The following DRG2 variants were observed in gnomAD, a reference collection of about 807,000 sequenced individuals.
DRG2 encodes the protein developmentally-regulated GTP-binding protein 2.
A neutral mutation model predicts 53.4 loss-of-function variants in DRG2; 36 were observed. The observed-to-expected ratio is 0.67, with a 90% CI of 0.52 to 0.89. The LOEUF (loss-of-function observed/expected upper bound fraction) is 0.89. DRG2 is among the 40% of genes least tolerant of loss of function. DRG2 has a pLI of 0.00. For synonymous variants in DRG2, 167 were observed against 192.1 expected, an observed-to-expected ratio of 0.87 and a Z score of 1.08; for missense variants, 342 against 481.2, an observed-to-expected ratio of 0.71 and a Z score of 2.71.
chr17:18,091,742 C>T (rs960238385), intron 1 of DRG2, among the ~76,000 whole-genome samples: 2 of 152,068 alleles, frequency 1.3e-5, no homozygotes, highest in Non-Finnish European at 2.9e-5. Flanking sequence ...CCTGTAGTCC[C>T]AGCTACTTGG....
chr17:18,088,417 G>C (rs1045787445), intron 1 of DRG2, among the ~76,000 whole-genome samples: 5 of 152,224 alleles, frequency 3.3e-5, no homozygotes, highest in African/African-American at 1.2e-4. Context: ...GGCTGGGCCT[G>C]GGGCCTGGGT....
Position 18,107,376 on chromosome 17 carries a change from C to T in DRG2, c.*136C>T, listed in dbSNP as rs2045661901. The T allele has an allele frequency of 4.6e-6, 4 of 872,350 alleles. No homozygotes were observed. The highest frequency in any genetic ancestry group is 1.6e-5 in the South Asian group (1 of 63,278). The allele number at this position is 872,350 out of a possible 1,614,324, so 54.0% of individuals were successfully genotyped here. The stretch of plus-strand genomic sequence containing the variant: ...GGGTCCCTCAAGTCTCTGCTATTTA[C>T]AGAAGTTTCTTCAGTAGGCAGACGA... On this transcript the variant is annotated 3_prime_UTR_variant, in exon 13 of 13. Coordinates refer to ENST00000225729, the MANE Select transcript of DRG2 (RefSeq NM_001388.5).
chr17:18,090,096 A>G (rs1190155102), intron 1 of DRG2, among the ~76,000 whole-genome samples: 1 of 151,020 alleles, frequency 6.6e-6, no homozygotes, highest in Non-Finnish European at 1.5e-5. Context: ...TATAAAGGTG[A>G]TTAAGACCTA....
At chr17:18,090,402 A>ATTT (rs2045309739) in intron 1 of DRG2, among the ~76,000 whole-genome samples, 1 of 9,328 alleles carries the variant, frequency 1.1e-4, no homozygotes, top group Non-Finnish European at 1.5e-4. Context: ...ATATATATAT[A>ATTT]TATATTTTTT....
intron 8 of DRG2, 71 bp from the exon 9 acceptor site, chr17:18,101,850 G>A: frequency 1.3e-6 from 2 of 1,503,278 alleles, no homozygotes; most frequent in Non-Finnish European, 1.8e-6. Flanking sequence ...GCCGGCACAG[G>A]GCGATGGAGG....
rs1178162087 is a variant in DRG2, at chr17:18,106,426, C to A, written c.955-7C>A. ...ACCTCTCTACCTGACTCTCTCCTGTCCTCCAGTGCCACCGCATCCACCGGT... is the reference window on the plus strand; with the variant it reads ...ACCTCTCTACCTGACTCTCTCCTGTACTCCAGTGCCACCGCATCCACCGGT... On this transcript the variant is annotated splice_region_variant and splice_polypyrimidine_tract_variant and intron_variant, in intron 11 of 12. Transcript: ENST00000225729. 1 of 1,614,054 alleles carries A rather than the reference C, an allele frequency of 6.2e-7. No homozygotes were observed. Among genetic ancestry groups the A allele is most frequent in the Non-Finnish European group, 8.5e-7 (1 of 1,179,948 alleles).
At chr17:18,090,652 G>A (rs936851370) in intron 1 of DRG2, among the ~76,000 whole-genome samples, 1 of 151,434 alleles carries the variant, frequency 6.6e-6, no homozygotes, top group African/African-American at 2.4e-5. Context: ...CGCCCACCTC[G>A]GCTTCCCAAA....
In DRG2 at chr17:18,087,961, C is replaced by T; in HGVS notation, c.-63C>T. ...CGGGCGCACGCTACTCTGTCGCCGCCGTCAGACCGGAATTGCCGGTGCCGC... is the reference window on the plus strand; with the variant it reads ...CGGGCGCACGCTACTCTGTCGCCGCTGTCAGACCGGAATTGCCGGTGCCGC... On this transcript the variant is annotated 5_prime_UTR_variant, in exon 1 of 13. Transcript: ENST00000225729. 3.3e-6 allele frequency: 5 copies of T among 1,527,262 alleles called. No homozygotes were observed. The highest frequency in any genetic ancestry group is 1.2e-5 in the South Asian group (1 of 82,752). 94.6% of individuals were successfully genotyped at this position (1,527,262 alleles called of 1,614,324 possible). A position where few individuals can be genotyped will look rare whatever the true frequency, so the allele number is the denominator to read the frequency against.
rs370205070 is a variant in DRG2, at chr17:18,101,536, G to A, written c.675G>A (p.Pro225=). The A allele has an allele frequency of 2.5e-5, 41 of 1,614,042 alleles. 1 individual carries two copies. Among genetic ancestry groups the A allele is most frequent in the African/African-American group, 1.3e-4 (10 of 74,918 alleles). The change falls in exon 8 of 13, where the codon CCG becomes CCA. Residue 225 remains proline (P), a synonymous_variant. Coordinates refer to ENST00000225729, the MANE Select transcript of DRG2 (RefSeq NM_001388.5). ...TGCTTTTCCGAGAAGACTGCTCCCCGGACGAGTTCATCGATGTGATCGTGG... is the reference window on the plus strand; with the variant it reads ...TGCTTTTCCGAGAAGACTGCTCCCCAGACGAGTTCATCGATGTGATCGTGG... ...AEVLFREDCS[P]DEFIDVIVGN...
rs973686504 is a variant in DRG2 at position 18,103,694 on chromosome 17, G to A, written c.807-107G>A. 3.0e-6 allele frequency: 3 copies of A among 1,011,676 alleles called. No individual in the cohort carries two copies. The highest frequency in any genetic ancestry group is 1.8e-5 in the Admixed American group (1 of 55,524). The allele number at this position is 1,011,676 out of a possible 1,614,324, so 62.7% of individuals were successfully genotyped here. A position where few individuals can be genotyped will look rare whatever the true frequency, so the allele number is the denominator to read the frequency against. On this transcript the variant is annotated intron_variant, in intron 9 of 12. Coordinates refer to ENST00000225729, the MANE Select transcript of DRG2 (RefSeq NM_001388.5). The surrounding 1 kb of genome is among the most constrained non-coding windows in gnomAD (Gnocchi z 4.4). ...GGCTTGTTTCCCTGTGGGTACCAGCGGGCCACCTGGCCAGTGGAGGTTATC... is the reference window on the plus strand; with the variant it reads ...GGCTTGTTTCCCTGTGGGTACCAGCAGGCCACCTGGCCAGTGGAGGTTATC...
chr17:18,102,380 T>C (rs1371302565), intron 9 of DRG2, among the ~76,000 whole-genome samples: 1 of 152,054 alleles, frequency 6.6e-6, no homozygotes, highest in East Asian at 1.9e-4. Context: ...CCCAGCACTT[T>C]GGGGGGCTGT....
At chr17:18,102,866 A>G (rs1249793956) in intron 9 of DRG2, among the ~76,000 whole-genome samples, 2 of 152,168 alleles carry the variant, frequency 1.3e-5, no homozygotes, top group African/African-American at 4.8e-5. Context: ...TTGCCACCAC[A>G]GCCTGGCAGG....
At chr17:18,105,906 A>G in intron 11 of DRG2, 1 of 162,424 alleles carries the variant, frequency 6.2e-6, no homozygotes, top group Non-Finnish European at 1.4e-5. Flanking sequence ...TGCCTCCTCC[A>G]GGGTCTCCTT....
chr17:18,089,157 T>C (rs774730884), intron 1 of DRG2, among the ~76,000 whole-genome samples: 2 of 152,182 alleles, frequency 1.3e-5, no homozygotes, highest in Non-Finnish European at 2.9e-5. Flanking sequence ...GTTTGTTTGT[T>C]TGAGACAGTC....
Position 18,103,670 on chromosome 17 carries a change from G to A in DRG2, c.807-131G>A. The A allele has an allele frequency of 1.3e-6, 1 of 784,694 alleles. No homozygotes were observed. The highest frequency in any genetic ancestry group is 2.2e-6 in the Non-Finnish European group (1 of 460,862). 48.6% of individuals were successfully genotyped at this position (784,694 alleles called of 1,614,324 possible). On this transcript the variant is annotated intron_variant, in intron 9 of 12. Transcript: ENST00000225729. This position sits in a 1 kb window ranked among gnomAD's most constrained non-coding sequence, Gnocchi z 4.4. ...CATCAGGCTGCCATCATAGTAATGGGCTTGTTTCCCTGTGGGTACCAGCGG... is the reference window on the plus strand; with the variant it reads ...CATCAGGCTGCCATCATAGTAATGGACTTGTTTCCCTGTGGGTACCAGCGG...
rs768238860 is a variant in DRG2 at position 18,093,914 on chromosome 17, G to GA, written c.167dup (p.Asp56GlufsTer7). 2 of 1,614,212 alleles carry GA rather than the reference G, an allele frequency of 1.2e-6. No homozygotes were observed. The highest frequency in any genetic ancestry group is 1.7e-6 in the Non-Finnish European group (2 of 1,180,038). ...GGCCTCGTCCAAAGGAGAGGGCTTT[G>GA]ATGTCATGAAGTCGGGTGATGCCCG... On this transcript the variant is annotated frameshift_variant, in exon 2 of 13. Transcript: ENST00000225729. LOFTEE classifies it high-confidence loss of function.
rs368366448 is a variant in DRG2 at position 18,100,680 on chromosome 17, C to A, written c.631+21C>A. On this transcript the variant is annotated intron_variant, in intron 7 of 12. Transcript: ENST00000225729. The surrounding 1 kb of genome is among the most constrained non-coding windows in gnomAD (Gnocchi z 4.1). The stretch of plus-strand genomic sequence containing the variant: ...ATACAGTATCCTTCCCTGAAAGACA[C>A]GTGAAGGAGGGCAGCCACCACCGTC... The A allele has an allele frequency of 6.2e-7, 1 of 1,605,286 alleles. No individual in the cohort carries two copies. Among genetic ancestry groups the A allele is most frequent in the South Asian group, 1.1e-5 (1 of 89,764 alleles).
chr17:18,101,698 CCCTCA>C (rs1024219974), intron 8 of DRG2, 108 bp downstream of exon 8: 27 of 1,185,524 alleles, frequency 2.3e-5, no homozygotes, highest in Middle Eastern at 1.9e-4. Flanking sequence ...TGAGGCTCTC[CCCTCA>C]CCTCACCTCA....
At chr17:18,092,751 A>G (rs2045355054) in intron 1 of DRG2, among the ~76,000 whole-genome samples, 1 of 152,232 alleles carries the variant, frequency 6.6e-6, no homozygotes, top group South Asian at 2.1e-4. Context: ...GCCAGGATCT[A>G]ACGAAGTTAC....
Sources: allele counts gnomAD v4.1 joint callset (sites outside exome capture counted in the v4.1 genomes callset), GRCh38; gene constraint gnomAD v4.1.1; non-coding constraint Gnocchi (gnomAD v3.1); transcripts MANE v1.5; gene names NCBI Gene and HGNC (gene_info 2026-07-23, HGNC 2026-07-21).